The following PAX2 variants were observed in gnomAD, a reference collection of about 807,000 sequenced individuals.
The protein encoded by PAX2 is paired box protein Pax-2.
A neutral mutation model predicts 41.7 loss-of-function variants in PAX2; 9 were observed. The ratio of observed to expected loss-of-function variants is 0.22; its 90% CI spans 0.13 to 0.38. The LOEUF (loss-of-function observed/expected upper bound fraction) is 0.38. PAX2 is among the 10% of genes least tolerant of loss of function. The pLI, the probability that PAX2 is intolerant of heterozygous loss-of-function variation, is 1.00. For synonymous variants in PAX2, 221 were observed against 212.7 expected (o/e 1.04, Z -0.34); for missense variants, 418 against 531.6 (o/e 0.79, Z 2.10).
chr10:100,760,956 G>A (rs1229952402), intron 3 of PAX2, among the ~76,000 whole-genome samples: 1 of 152,200 alleles, frequency 6.6e-6, no homozygotes, highest in African/African-American at 2.4e-5. Flanking sequence ...TGGAGTCTGG[G>A]AGAGCCAGAG....
At position 100,763,883 on chromosome 10, in the gene PAX2, C is replaced by A. The variant is rs955983394; in HGVS notation, c.410+12992C>A. The stretch of plus-strand genomic sequence containing the variant: ...ACTGGCTAGAGGGTACTGGGTCCAC[C>A]TTATATCCTCTGTGGGCCCCAGTTT... On this transcript the variant is annotated intron_variant, in intron 3 of 9. Coordinates refer to ENST00000355243, the MANE Select transcript of PAX2 (RefSeq NM_000278.5). Among the ~76,000 whole-genome samples the A allele has an allele frequency of 2.6e-5, 4 of 152,140 alleles. No individual in the cohort carries two copies. The East Asian group carries it at 5.8e-4, about 22-fold the overall frequency.
At chr10:100,770,220 G>A (rs1431554649) in intron 3 of PAX2, among the ~76,000 whole-genome samples, 2 of 152,176 alleles carry the variant, frequency 1.3e-5, no homozygotes, top group African/African-American at 4.8e-5. Flanking sequence ...GTGGGACAGG[G>A]TTGGGGGATG....
chr10:100,760,305 G>A (rs1392662865), intron 3 of PAX2, among the ~76,000 whole-genome samples: 1 of 152,218 alleles, frequency 6.6e-6, no homozygotes, highest in Non-Finnish European at 1.5e-5. Context: ...TTTGGTCCCA[G>A]AATGAAAGTC....
At chr10:100,801,881 A>C (rs943982251) in intron 5 of PAX2, among the ~76,000 whole-genome samples, 5 of 152,262 alleles carry the variant, frequency 3.3e-5, no homozygotes, top group Non-Finnish European at 7.3e-5. Flanking sequence ...TACTAGCTTC[A>C]TGGCCTTTGA....
chr10:100,756,868 C>T (rs761408743), intron 3 of PAX2, among the ~76,000 whole-genome samples: 3 of 152,186 alleles, frequency 2.0e-5, no homozygotes, highest in African/African-American at 4.8e-5. Flanking sequence ...GTGCAGCTAT[C>T]CCCAGTGCAG....
At chr10:100,788,888 A>G (rs1049802864) in intron 5 of PAX2, among the ~76,000 whole-genome samples, 2 of 151,872 alleles carry the variant, frequency 1.3e-5, no homozygotes, top group African/African-American at 4.8e-5. Context: ...ACACACATAC[A>G]TGCACACCGA....
intron 3 of PAX2, among the ~76,000 whole-genome samples, chr10:100,761,487 A>C (rs1845843744): frequency 6.6e-6 from 1 of 152,218 alleles, no homozygotes; most frequent in Non-Finnish European, 1.5e-5. Flanking sequence ...GGGTACAAAA[A>C]AAGTTGAGAG....
chr10:100,753,350 C>T (rs1845512921), intron 3 of PAX2, among the ~76,000 whole-genome samples: 1 of 152,156 alleles, frequency 6.6e-6, no homozygotes, highest in South Asian at 2.1e-4. Flanking sequence ...CATCTTCATC[C>T]CTGTAGGTGC....
intron 1 of PAX2, 129 bp downstream of exon 1, chr10:100,746,432 T>G: frequency 1.3e-6 from 1 of 763,240 alleles, no homozygotes; most frequent in Non-Finnish European, 2.4e-6. Context: ...CTGGTCCCTC[T>G]TTTCGTTCTT....
rs534244431 is a variant in PAX2, at chr10:100,816,091, C to A, written c.919+6855C>A. 5.3e-5 allele frequency among the ~76,000 whole-genome samples: 8 copies of A among 152,290 alleles called. No homozygotes were observed. The South Asian group carries it at 1.7e-3, about 32-fold the overall frequency. On this transcript the variant is annotated intron_variant, in intron 7 of 9. Transcript: ENST00000355243. ...CGTGAGGCCCAAAAACCTGAACATGCCAAATGGAGTGCTTATTCCTCCAAG... is the reference window on the plus strand; with the variant it reads ...CGTGAGGCCCAAAAACCTGAACATGACAAATGGAGTGCTTATTCCTCCAAG...
In PAX2 at chr10:100,749,783, T is replaced by C; in HGVS notation, c.81T>C (p.Phe27=). Reference sequence around the variant, plus strand: ...GTGTGAACCAGCTCGGGGGGGTGTTTGTGAACGGCCGGCCCCTACCCGACG... The same window carrying C: ...GTGTGAACCAGCTCGGGGGGGTGTTCGTGAACGGCCGGCCCCTACCCGACG... The part of the protein sequence containing the change: ...HGGVNQLGGV[F]VNGRPLPDVV... Residue 27 remains phenylalanine, a synonymous_variant, in exon 2 of 10, where the codon TTT becomes TTC. Transcript: ENST00000355243. 1 of 1,611,980 alleles carries C rather than the reference T, an allele frequency of 6.2e-7. No individual in the cohort carries two copies. The highest frequency in any genetic ancestry group is 8.5e-7 in the Non-Finnish European group (1 of 1,178,886).
At chr10:100,793,052 T>G (rs1247436824) in intron 5 of PAX2, among the ~76,000 whole-genome samples, 2 of 152,204 alleles carry the variant, frequency 1.3e-5, no homozygotes, top group African/African-American at 4.8e-5. Flanking sequence ...ATTTTTCGCC[T>G]TGCTTGTGTC....
At chr10:100,745,502 C>T (rs1287107213), upstream of PAX2, among the ~76,000 whole-genome samples, 1 of 152,166 alleles carries the variant, frequency 6.6e-6, no homozygotes, top group Non-Finnish European at 1.5e-5. Context: ...AGTCATCCAT[C>T]TCCCGGCGCG....
chr10:100,814,483 A>G (rs900086864), intron 7 of PAX2, among the ~76,000 whole-genome samples: 3 of 152,196 alleles, frequency 2.0e-5, no homozygotes, highest in African/African-American at 7.2e-5. Flanking sequence ...AGGGCAAAGA[A>G]TGAGGACCAT....
At chr10:100,756,764 G>A (rs1845651484) in intron 3 of PAX2, among the ~76,000 whole-genome samples, 1 of 152,190 alleles carries the variant, frequency 6.6e-6, no homozygotes, top group Non-Finnish European at 1.5e-5. Flanking sequence ...CGACCTGCCA[G>A]TTCTCTGCAT....
At chr10:100,793,812 T>C (rs1169937195) in intron 5 of PAX2, among the ~76,000 whole-genome samples, 1 of 152,104 alleles carries the variant, frequency 6.6e-6, no homozygotes, top group African/African-American at 2.4e-5. Flanking sequence ...GATCTTTGTA[T>C]CAATGTGGGC....
chr10:100,760,537 C>T (rs796155455), intron 3 of PAX2, among the ~76,000 whole-genome samples: 21 of 152,260 alleles, frequency 1.4e-4, no homozygotes, highest in African/African-American at 4.8e-4. Context: ...GTGAACCAAG[C>T]CATGTGTGAT....
At chr10:100,770,887 T>C (rs982325373) in intron 3 of PAX2, among the ~76,000 whole-genome samples, 1 of 152,214 alleles carries the variant, frequency 6.6e-6, no homozygotes, top group African/African-American at 2.4e-5. Context: ...CGATAGAGTA[T>C]GAGAAAGGAA....
chr10:100,827,301 C>G lies in PAX2; in HGVS notation c.1108+206C>G, dbSNP rs963553658. 6.6e-6 allele frequency among the ~76,000 whole-genome samples: 1 copy of G among 152,180 alleles called. No homozygotes were observed. Among genetic ancestry groups the G allele is most frequent in the African/African-American group, 2.4e-5 (1 of 41,452 alleles). ...TCCCTGGTCGCTCGAAGGCTCTGCG[C>G]CGCCCTCGCCCTCGGATCCCCTGGA... On this transcript the variant is annotated intron_variant, in intron 9 of 9. Transcript: ENST00000355243. This position sits in a 1 kb window ranked among gnomAD's most constrained non-coding sequence, Gnocchi z 8.5.
Sources: gnomAD v4.1 joint callset for allele counts (sites outside exome capture counted in the v4.1 genomes callset) on GRCh38, gnomAD v4.1.1 for gene constraint, Gnocchi (gnomAD v3.1) non-coding constraint, MANE v1.5 for transcripts, NCBI Gene and HGNC (gene_info 2026-07-23, HGNC 2026-07-21) for gene names.